KDM4B: variants seen among roughly 807,000 people sequenced by gnomAD.
The protein encoded by KDM4B is lysine-specific demethylase 4B.
Under a neutral mutation model 125.2 loss-of-function variants are expected in KDM4B, and 32 were observed. That is an observed-to-expected ratio of 0.26 (90% CI 0.19 to 0.34). The LOEUF is 0.34. Ranked by LOEUF, KDM4B falls within the 10% of genes least tolerant of loss-of-function variation. The probability of loss-of-function intolerance (pLI) is 1.00; values close to 1 mark genes in which losing one functional copy is unlikely to be tolerated. For synonymous variants in KDM4B, 721 were observed against 677.9 expected (o/e 1.06, Z -0.99); for missense variants, 1,190 against 1,577.7 (o/e 0.75, Z 4.16).
intron 9 of KDM4B, among the ~76,000 whole-genome samples, chr19:5,096,650 C>T (rs1568296053): frequency 6.7e-6 from 1 of 149,308 alleles, no homozygotes; most frequent in Non-Finnish European, 1.5e-5. Context: ...GCCATGGCGC[C>T]TGCCTGGTGG....
intron 9 of KDM4B, among the ~76,000 whole-genome samples, chr19:5,108,249 G>A (rs1003190923): frequency 1.3e-4 from 20 of 152,202 alleles, no homozygotes; most frequent in African/African-American, 4.3e-4. Flanking sequence ...CGGGGCAGTC[G>A]GCCTGTCCAG....
chr19:5,035,880 T>TGTGTGTGTGTGTGTGCGCGC lies in KDM4B; in HGVS notation c.141+2850_141+2851insTGTGTGTGTGTGTGCGCGCG, dbSNP rs58219404. Among the ~76,000 whole-genome samples, 121 of 136,492 alleles carry TGTGTGTGTGTGTGTGCGCGC rather than the reference T, an allele frequency of 8.9e-4. No individual in the cohort carries two copies. Among genetic ancestry groups the TGTGTGTGTGTGTGTGCGCGC allele is most frequent in the African/African-American group, 3.0e-3 (115 of 37,892 alleles). The allele number at this position is 136,492 out of a possible 152,430, so 89.5% of individuals were successfully genotyped here. On this transcript the variant is annotated intron_variant, in intron 3 of 22. Coordinates refer to ENST00000159111, the MANE Select transcript of KDM4B (RefSeq NM_015015.3). This position sits in a 1 kb window ranked among gnomAD's most constrained non-coding sequence, Gnocchi z 5.3. ...ACGTGTCTCTGTGTGTGTGTGTGTG[T>TGTGTGTGTGTGTGTGCGCGC]GCGCGCGCGCGCGCGCCTGCGCGCA...
In KDM4B at chr19:4,979,017, C is replaced by T. The variant is rs552461430; in HGVS notation, c.-109+9787C>T. 1.8e-4 allele frequency among the ~76,000 whole-genome samples: 28 copies of T among 152,262 alleles called. No individual in the cohort carries two copies. The South Asian group carries it at 2.3e-3, about 12-fold the overall frequency. ...AGGGGTAGAAACCAAGCCTGGAGGC[C>T]GGATGGCTGTAACCCAGCACTGTGG... On this transcript the variant is annotated intron_variant, in intron 1 of 22. Transcript: ENST00000159111.
intron 9 of KDM4B, among the ~76,000 whole-genome samples, chr19:5,083,798 T>A (rs979499369): frequency 1.3e-5 from 2 of 152,130 alleles, no homozygotes; most frequent in African/African-American, 4.8e-5. Context: ...AGGTACTTCC[T>A]CCCATCGTCC....
intron 7 of KDM4B, among the ~76,000 whole-genome samples, chr19:5,072,910 C>T (rs566273335): frequency 6.6e-6 from 1 of 152,106 alleles, no homozygotes; most frequent in Non-Finnish European, 1.5e-5. Flanking sequence ...GAACCCGTTT[C>T]TGCCTTCCCT....
rs773689286 is a variant in KDM4B at position 5,065,358 on chromosome 19, A to G, written c.627-5652A>G. Among the ~76,000 whole-genome samples the G allele has an allele frequency of 4.6e-5, 7 of 152,180 alleles. No individual in the cohort carries two copies. The East Asian group carries it at 5.8e-4, about 13-fold the overall frequency. On this transcript the variant is annotated intron_variant, in intron 6 of 22. Transcript: ENST00000159111. ...CGGCCTGTGTTCCCTTTCCTGACAC[A>G]CTCATTTAATTTTTAACTCAAAGGC... is the stretch of plus-strand genomic sequence containing the variant.
Position 5,082,898 on chromosome 19 carries a change from G to C in KDM4B, c.918+394G>C, listed in dbSNP as rs1276349538. On this transcript the variant is annotated intron_variant, in intron 9 of 22. Transcript: ENST00000159111. This position sits in a 1 kb window ranked among gnomAD's most constrained non-coding sequence, Gnocchi z 5.4. ...GCATCTCCTGGCCATCATGGTCCTG[G>C]GGTTGGGTTGTTTGCTGACATCTCT... Among the ~76,000 whole-genome samples, 1 of 152,204 alleles carries C rather than the reference G, an allele frequency of 6.6e-6. No individual in the cohort carries two copies. The highest frequency in any genetic ancestry group is 1.9e-4 in the East Asian group (1 of 5,186).
At chr19:5,087,627 C>T (rs2038548417) in intron 9 of KDM4B, among the ~76,000 whole-genome samples, 1 of 152,188 alleles carries the variant, frequency 6.6e-6, no homozygotes, top group Admixed American at 6.5e-5. Flanking sequence ...CCTTCTAGGC[C>T]CAGGTTTCCC....
At chr19:5,122,250 C>A (rs2039374745) in intron 11 of KDM4B, among the ~76,000 whole-genome samples, 1 of 152,206 alleles carries the variant, frequency 6.6e-6, no homozygotes, top group Non-Finnish European at 1.5e-5. Flanking sequence ...TTCACAGCCA[C>A]AGTGCAGCCT....
chr19:5,005,437 G>T (rs2035526611), intron 1 of KDM4B, among the ~76,000 whole-genome samples: 1 of 152,142 alleles, frequency 6.6e-6, no homozygotes, highest in Admixed American at 6.5e-5. Flanking sequence ...ACAGGATGGT[G>T]ACAGCTGCCA....
At chr19:5,083,638 G>A (rs2038375505) in intron 9 of KDM4B, among the ~76,000 whole-genome samples, 1 of 152,188 alleles carries the variant, frequency 6.6e-6, no homozygotes, top group Non-Finnish European at 1.5e-5. Flanking sequence ...TTTCTGGGCA[G>A]CATTGAACAG....
chr19:4,992,950 T>G (rs1230923131), intron 1 of KDM4B, among the ~76,000 whole-genome samples: 1 of 152,232 alleles, frequency 6.6e-6, no homozygotes, highest in East Asian at 1.9e-4. Flanking sequence ...TGATCTGAAT[T>G]CTTTTCAATT....
At chr19:5,122,917 T>G (rs921669124) in intron 11 of KDM4B, among the ~76,000 whole-genome samples, 1 of 152,242 alleles carries the variant, frequency 6.6e-6, no homozygotes, top group Non-Finnish European at 1.5e-5. Flanking sequence ...GGGACCTGCG[T>G]GAGTCCGGCT....
In KDM4B at chr19:5,114,547, G is replaced by C. The variant is rs371548804; in HGVS notation, c.1115+3729G>C. ...ACCTGCCAGCCCCTGCAGGGAGTGCGCAGCCTCAGGGACTCACTTGCTGTC... is the reference window on the plus strand; with the variant it reads ...ACCTGCCAGCCCCTGCAGGGAGTGCCCAGCCTCAGGGACTCACTTGCTGTC... On this transcript the variant is annotated intron_variant, in intron 10 of 22. Coordinates refer to ENST00000159111, the MANE Select transcript of KDM4B (RefSeq NM_015015.3). This position sits in a 1 kb window ranked among gnomAD's most constrained non-coding sequence, Gnocchi z 5.8. 2.6e-5 allele frequency: 9 copies of C among 349,234 alleles called. No individual in the cohort carries two copies. The highest frequency in any genetic ancestry group is 1.9e-4 in the South Asian group (9 of 47,692). The allele number at this position is 349,234 out of a possible 1,614,324, so 21.6% of individuals were successfully genotyped here.
chr19:5,139,885 G>T (rs909480465), intron 18 of KDM4B, among the ~76,000 whole-genome samples: 5 of 152,264 alleles, frequency 3.3e-5, no homozygotes, highest in Non-Finnish European at 5.9e-5. Context: ...GTGGGGGCTT[G>T]TGAAGCTTCC....
rs372472176 is a variant in KDM4B, at chr19:5,029,004, C to T, written c.-25-3862C>T. ...TGGCTCACTGCAACCTCTGCCTTCCCAGCTCAAGCGATTCTCCTGCCTCAC... is the reference window on the plus strand; with the variant it reads ...TGGCTCACTGCAACCTCTGCCTTCCTAGCTCAAGCGATTCTCCTGCCTCAC... On this transcript the variant is annotated intron_variant, in intron 2 of 22. Transcript: ENST00000159111. Among the ~76,000 whole-genome samples, 257 of 152,272 alleles carry T rather than the reference C, an allele frequency of 1.7e-3. 3 individuals carry two copies. Among genetic ancestry groups the T allele is most frequent in the African/African-American group, 5.7e-3 (238 of 41,550 alleles).
At chr19:5,033,060 C>G in intron 3 of KDM4B, 29 bp downstream of exon 3, 1 of 1,607,262 alleles carries the variant, frequency 6.2e-7, no homozygotes, top group Non-Finnish European at 8.5e-7. Context: ...CCAGCGCGGC[C>G]CTCCATCAGC....
chr19:5,010,295 G>A (rs2145484026), intron 1 of KDM4B, among the ~76,000 whole-genome samples: 1 of 152,300 alleles, frequency 6.6e-6, no homozygotes, highest in Middle Eastern at 3.4e-3. Context: ...CATACCATAG[G>A]GCTCATGCTG....
At chr19:5,132,423 T>C (rs1326188738) in intron 13 of KDM4B, among the ~76,000 whole-genome samples, 1 of 152,186 alleles carries the variant, frequency 6.6e-6, no homozygotes, top group Non-Finnish European at 1.5e-5. Flanking sequence ...TGCTGTCTTG[T>C]GTGCAGAAGT....
Sources: gnomAD v4.1 joint callset for allele counts (sites outside exome capture counted in the v4.1 genomes callset) on GRCh38, gnomAD v4.1.1 for gene constraint, Gnocchi (gnomAD v3.1) non-coding constraint, MANE v1.5 for transcripts, NCBI Gene and HGNC (gene_info 2026-07-23, HGNC 2026-07-21) for gene names.